Variants in MED13 observed in about 807,000 individuals in gnomAD.
The protein encoded by MED13 is mediator complex subunit 13.
MED13 carries 23 observed loss-of-function variants against 225.2 expected under a neutral mutation model. The observed-to-expected ratio is 0.10, with a 90% CI of 0.07 to 0.14. MED13 has a LOEUF of 0.14. Among genes scored for constraint, MED13 ranks in the 10% least tolerant of loss-of-function variants. The pLI, the probability that MED13 is intolerant of heterozygous loss-of-function variation, is 1.00. For missense variants in MED13, 2,197 were observed against 2,594.5 expected, an observed-to-expected ratio of 0.85 and a Z score of 3.33; for synonymous variants, 942 against 889.2, an observed-to-expected ratio of 1.06 and a Z score of -1.06.
chr17:62,031,819 G>A (rs754394023), intron 5 of MED13, among the ~76,000 whole-genome samples, 181 bp from the exon 6 acceptor site: 3 of 147,438 alleles, frequency 2.0e-5, no homozygotes, highest in Non-Finnish European at 4.5e-5. Context: ...CTCTTTTTTA[G>A]AAGAAACCAC....
At chr17:62,064,557 T>C (rs1345927109) in intron 1 of MED13, among the ~76,000 whole-genome samples, 2 of 152,196 alleles carry the variant, frequency 1.3e-5, no homozygotes, top group African/African-American at 2.4e-5. Context: ...GCAAACTGTT[T>C]TCAAAGTTTA....
chr17:62,010,313 A>C, intron 9 of MED13: 1 of 358,520 alleles, frequency 2.8e-6, no homozygotes, highest in Non-Finnish European at 5.0e-6. Flanking sequence ...AAAATCCTTA[A>C]GTTGGCTGAT....
chr17:61,965,296 T>G lies in MED13; in HGVS notation c.4554A>C (p.Ser1518=). ...CAACTGAAGTAGATATGGCAACACC[T>G]GAAGTCACTGTCATAGTGCTGCTCG... ...SAASSTMTVT[S]GVAISTSVAT... Residue 1518 remains serine, a synonymous_variant, in exon 20 of 30, where the codon TCA becomes TCC. Coordinates refer to ENST00000397786, the MANE Select transcript of MED13 (RefSeq NM_005121.3). The G allele has an allele frequency of 6.2e-7, 1 of 1,614,232 alleles. No homozygotes were observed. The highest frequency in any genetic ancestry group is 8.5e-7 in the Non-Finnish European group (1 of 1,180,028).
chr17:62,011,836 T>C (rs542575813), intron 8 of MED13, among the ~76,000 whole-genome samples: 1 of 152,270 alleles, frequency 6.6e-6, no homozygotes, highest in South Asian at 2.1e-4. Flanking sequence ...AGAAAATGCC[T>C]AAAATAATTT....
intron 9 of MED13, among the ~76,000 whole-genome samples, chr17:61,995,900 T>C (rs1036877604): frequency 2.0e-5 from 3 of 152,224 alleles, no homozygotes; most frequent in Admixed American, 6.5e-5. Flanking sequence ...CTATTAATTC[T>C]GGCAAGATGT....
intron 2 of MED13, among the ~76,000 whole-genome samples, chr17:62,058,520 C>CAAAAAAAAAAA (rs751957495): frequency 1.5e-4 from 8 of 53,400 alleles, no homozygotes; most frequent in South Asian, 3.9e-4. Context: ...GACTTCATCT[C>CAAAAAAAAAAA]AAAAAAAAAA....
At chr17:62,024,922 C>A (rs2080685914) in intron 8 of MED13, among the ~76,000 whole-genome samples, 1 of 152,016 alleles carries the variant, frequency 6.6e-6, no homozygotes, top group South Asian at 2.1e-4. Flanking sequence ...TTTCTTTATC[C>A]AGGCTGTCAG....
intron 3 of MED13, among the ~76,000 whole-genome samples, chr17:62,051,456 A>G (rs2143755848): frequency 6.6e-6 from 1 of 152,310 alleles, no homozygotes; most frequent in East Asian, 1.9e-4. Flanking sequence ...CAATCCCTAC[A>G]TAAGCCAAGT....
At chr17:62,019,734 ATTTC>A (rs1340626989) in intron 8 of MED13, among the ~76,000 whole-genome samples, 3 of 151,028 alleles carry the variant, frequency 2.0e-5, no homozygotes, top group Non-Finnish European at 3.0e-5. Flanking sequence ...GTACAATTGA[ATTTC>A]TTTTTTTCTT....
At chr17:62,041,607 T>C (rs2080853369) in intron 3 of MED13, among the ~76,000 whole-genome samples, 1 of 152,138 alleles carries the variant, frequency 6.6e-6, no homozygotes, top group Non-Finnish European at 1.5e-5. Context: ...GACAGGGCCT[T>C]GCTCTGTCAC....
intron 11 of MED13, among the ~76,000 whole-genome samples, chr17:61,990,393 C>T (rs1448629184): frequency 2.0e-5 from 3 of 151,826 alleles, no homozygotes; most frequent in African/African-American, 4.8e-5. Flanking sequence ...TACTTTCAAG[C>T]TTATAGTTGT....
In MED13 at chr17:61,965,197, T is replaced by C; in HGVS notation, c.4653A>G (p.Ser1551=). 2 of 1,614,188 alleles carry C rather than the reference T, an allele frequency of 1.2e-6. No individual in the cohort carries two copies. The highest frequency in any genetic ancestry group is 1.7e-6 in the Non-Finnish European group (2 of 1,180,034). Residue 1551 remains serine (S), a synonymous_variant, in exon 20 of 30, where the codon TCA becomes TCG. Transcript: ENST00000397786. The part of the protein sequence containing the change: ...SSSSNLNSGV[S]SNKLPSFPPF... ...GTGGAAACGAAGGTAGTTTATTTGA[T>C]GATACTCCACTATTCAAGTTGGAGG...
chr17:62,026,020 T>C (rs1350647391), intron 8 of MED13, among the ~76,000 whole-genome samples: 1 of 152,134 alleles, frequency 6.6e-6, no homozygotes, highest in Non-Finnish European at 1.5e-5. Context: ...AGAAAAACCT[T>C]GGCCCTAACC....
chr17:62,021,413 G>GA, intron 8 of MED13, among the ~76,000 whole-genome samples: 1 of 148,758 alleles, frequency 6.7e-6, no homozygotes, highest in African/African-American at 2.5e-5. Context: ...TGGCCGGGCA[G>GA]GGGGCTGACC....
chr17:61,955,924 A>G (rs1470072753), intron 24 of MED13, 86 bp from the exon 25 acceptor site: 1 of 1,376,734 alleles, frequency 7.3e-7, no homozygotes, highest in Non-Finnish European at 9.4e-7. Flanking sequence ...ACCAAGTTAA[A>G]GTTAAAATAT....
intron 2 of MED13, among the ~76,000 whole-genome samples, chr17:62,060,746 C>A (rs1190172512): frequency 6.6e-6 from 1 of 151,412 alleles, no homozygotes; most frequent in Non-Finnish European, 1.5e-5. Flanking sequence ...GTCGCCCAGG[C>A]TGGAGTGCAG....
chr17:62,026,153 T>C (rs2080699661), intron 8 of MED13, among the ~76,000 whole-genome samples: 1 of 152,208 alleles, frequency 6.6e-6, no homozygotes, highest in African/African-American at 2.4e-5. Flanking sequence ...AAGCCTATGA[T>C]CTATGTTTAA....
At chr17:61,963,585 C>T (rs947774220) in intron 20 of MED13, among the ~76,000 whole-genome samples, 1 of 152,144 alleles carries the variant, frequency 6.6e-6, no homozygotes, top group African/African-American at 2.4e-5. Context: ...GGATTACAGG[C>T]ATGAGCCACT....
At chr17:62,031,255 T>C (rs1255512854) in intron 6 of MED13, 189 bp downstream of exon 6, 1 of 503,648 alleles carries the variant, frequency 2.0e-6, no homozygotes, top group Non-Finnish European at 3.4e-6. Flanking sequence ...TGATAATGAA[T>C]GTACATCATA....
Sources: gnomAD v4.1 joint callset for allele counts (sites outside exome capture counted in the v4.1 genomes callset) on GRCh38, gnomAD v4.1.1 for gene constraint, MANE v1.5 for transcripts, NCBI Gene and HGNC (gene_info 2026-07-23, HGNC 2026-07-21) for gene names.